MBD5: variants seen among roughly 807,000 people sequenced by gnomAD.
MBD5 encodes methyl-CpG-binding domain protein 5.
In MBD5, 13 loss-of-function variants were observed where a neutral mutation model predicts 117.3. The observed-to-expected ratio is 0.11, with a 90% CI of 0.07 to 0.18. The LOEUF (loss-of-function observed/expected upper bound fraction) is 0.18. MBD5 is among the 10% of genes least tolerant of loss of function. The pLI, the probability that MBD5 is intolerant of heterozygous loss-of-function variation, is 1.00. For missense variants in MBD5, 1,879 were observed against 2,093.8 expected, an observed-to-expected ratio of 0.90 and a Z score of 2.00; for synonymous variants, 727 against 766.4, an observed-to-expected ratio of 0.95 and a Z score of 0.85.
intron 3 of MBD5, among the ~76,000 whole-genome samples, chr2:148,248,098 A>G (rs1489791986): frequency 6.6e-6 from 1 of 152,160 alleles, no homozygotes; most frequent in Non-Finnish European, 1.5e-5. Context: ...ATGGCCTCCT[A>G]TTGAAAGAGT....
intron 1 of MBD5, among the ~76,000 whole-genome samples, chr2:148,171,430 T>C (rs2105800378): frequency 6.6e-6 from 1 of 152,248 alleles, no homozygotes; most frequent in Non-Finnish European, 1.5e-5. Flanking sequence ...TTCAACATCC[T>C]TTCATGTTAA....
At chr2:148,023,016 C>T (rs879840293) in intron 1 of MBD5, among the ~76,000 whole-genome samples, 9 of 150,772 alleles carry the variant, frequency 6.0e-5, no homozygotes, top group Non-Finnish European at 1.2e-4. Context: ...TTTCTTTATT[C>T]TTTCCTTGAA....
At position 148,470,493 on chromosome 2, in the gene MBD5, G is replaced by T. The variant is rs1476176610; in HGVS notation, c.2518+32G>T. On this transcript the variant is annotated intron_variant, in intron 8 of 13. Transcript: ENST00000642680. ...TTTTATTAGAAAAAAGTACCCAAAG[G>T]TACTAAACTTTTCTACTTTTTTAAA... The T allele has an allele frequency of 2.0e-6, 3 of 1,527,864 alleles. No homozygotes were observed. The East Asian group carries it at 6.8e-5, about 35-fold the overall frequency. 94.6% of individuals were successfully genotyped at this position (1,527,864 alleles called of 1,614,324 possible). A position where few individuals can be genotyped will look rare whatever the true frequency, so the allele number is the denominator to read the frequency against.
At chr2:148,358,453 G>C (rs937644727) in intron 4 of MBD5, among the ~76,000 whole-genome samples, 2 of 152,094 alleles carry the variant, frequency 1.3e-5, no homozygotes, top group Admixed American at 1.3e-4. Context: ...CTAGGAACAA[G>C]TTAAATACAA....
intron 1 of MBD5, among the ~76,000 whole-genome samples, chr2:148,106,582 C>T (rs890321498): frequency 1.3e-5 from 2 of 151,600 alleles, no homozygotes; most frequent in Middle Eastern, 3.5e-3. Context: ...AATTTATTTC[C>T]ACCACTTTGT....
At chr2:148,472,346 A>G (rs1414911926) in intron 8 of MBD5, 1 of 152,116 alleles carries the variant, frequency 6.6e-6, no homozygotes, top group Non-Finnish European at 1.5e-5. Flanking sequence ...TAGAAATGAT[A>G]TGAATATGAC....
chr2:148,355,799 T>A (rs1703366587), intron 4 of MBD5, among the ~76,000 whole-genome samples: 1 of 152,244 alleles, frequency 6.6e-6, no homozygotes. Flanking sequence ...TAAAGTAGTT[T>A]TTTCTAATTC....
At chr2:148,203,879 A>C (rs1215331362) in intron 2 of MBD5, among the ~76,000 whole-genome samples, 1 of 152,206 alleles carries the variant, frequency 6.6e-6, no homozygotes, top group African/African-American at 2.4e-5. Flanking sequence ...TTGGATCTAC[A>C]CTGCAGAGCC....
chr2:148,401,437 T>A (rs1355681808), intron 4 of MBD5, among the ~76,000 whole-genome samples: 2 of 152,136 alleles, frequency 1.3e-5, no homozygotes, highest in Non-Finnish European at 2.9e-5. Context: ...ATTACCATCA[T>A]CAATCCAATC....
At chr2:148,242,119 A>T (rs1469116944) in intron 3 of MBD5, among the ~76,000 whole-genome samples, 1 of 152,204 alleles carries the variant, frequency 6.6e-6, no homozygotes, top group African/African-American at 2.4e-5. Flanking sequence ...AAATGATCAT[A>T]TGTATCTCAG....
chr2:148,370,355 TC>T, intron 4 of MBD5, among the ~76,000 whole-genome samples: 1 of 152,318 alleles, frequency 6.6e-6, no homozygotes, highest in African/African-American at 2.4e-5. Context: ...TGGTCTGTAT[TC>T]CCAGAAATGT....
rs1446541586 is a variant in MBD5, at chr2:148,490,618, C to A, written c.4962+24C>A. The A allele has an allele frequency of 1.9e-6, 3 of 1,613,170 alleles. No individual in the cohort carries two copies. In the South Asian group the frequency reaches 3.3e-5, roughly 18 times the overall value. On this transcript the variant is annotated intron_variant, in intron 11 of 13. Transcript: ENST00000642680. ...AGGTATACCAATCTTTATCCATTGTCAAATACTAACCTTTGTTCAGATATC... is the reference window on the plus strand; with the variant it reads ...AGGTATACCAATCTTTATCCATTGTAAAATACTAACCTTTGTTCAGATATC...
chr2:148,406,824 A>C (rs191070835), intron 4 of MBD5, among the ~76,000 whole-genome samples: 2 of 152,216 alleles, frequency 1.3e-5, no homozygotes, highest in East Asian at 3.9e-4. Flanking sequence ...TTCTCTTCCT[A>C]CGGTCAGCTT....
chr2:148,441,244 G>C (rs1038525028), intron 4 of MBD5, among the ~76,000 whole-genome samples: 3 of 151,828 alleles, frequency 2.0e-5, no homozygotes, highest in African/African-American at 7.3e-5. Flanking sequence ...TCCTAATGCT[G>C]TCCCTCCCCC....
intron 4 of MBD5, among the ~76,000 whole-genome samples, chr2:148,391,140 A>G (rs1249753212): frequency 6.6e-6 from 1 of 152,220 alleles, no homozygotes; most frequent in Non-Finnish European, 1.5e-5. Context: ...ATGAGACAAG[A>G]GAAGAAAATG....
chr2:148,495,300 A>T (rs1363623152), intron 11 of MBD5, among the ~76,000 whole-genome samples: 3 of 152,206 alleles, frequency 2.0e-5, no homozygotes, highest in African/African-American at 7.2e-5. Context: ...AACTATTTAA[A>T]TTTAAAGAAA....
At chr2:148,376,784 TTA>T (rs920356649) in intron 4 of MBD5, among the ~76,000 whole-genome samples, 2 of 138,848 alleles carry the variant, frequency 1.4e-5, no homozygotes, top group African/African-American at 5.3e-5. Context: ...CTATTATAAT[TTA>T]TATATATAAT....
intron 4 of MBD5, among the ~76,000 whole-genome samples, chr2:148,371,700 T>A (rs1428927634): frequency 1.3e-5 from 2 of 152,144 alleles, no homozygotes; most frequent in Non-Finnish European, 2.9e-5. Flanking sequence ...TTTTCATCAT[T>A]TTCTTATACT....
intron 4 of MBD5, among the ~76,000 whole-genome samples, chr2:148,406,826 G>A (rs146589989): frequency 3.3e-5 from 5 of 152,178 alleles, no homozygotes; most frequent in African/African-American, 1.2e-4. Context: ...CTCTTCCTAC[G>A]GTCAGCTTCT....
Sources: allele counts gnomAD v4.1 joint callset (sites outside exome capture counted in the v4.1 genomes callset), GRCh38; gene constraint gnomAD v4.1.1; transcripts MANE v1.5; gene names NCBI Gene and HGNC (gene_info 2026-07-23, HGNC 2026-07-21).